OR5AC2: variants seen among roughly 807,000 people sequenced by gnomAD.
The protein encoded by OR5AC2 is olfactory receptor family 5 subfamily AC member 2.
For synonymous variants in OR5AC2, 172 were observed against 136.3 expected, an observed-to-expected ratio of 1.26 and a Z score of -1.82; for missense variants, 448 against 375.3, an observed-to-expected ratio of 1.19 and a Z score of -1.60.
In OR5AC2 at chr3:98,087,856, GA is replaced by G. The variant is rs11369970; in HGVS notation, c.692del (p.Lys231SerfsTer27). On this transcript the variant is annotated frameshift_variant, in exon 1 of 1. Coordinates refer to ENST00000358642, the MANE Select transcript of OR5AC2 (RefSeq NM_054106.1). LOFTEE classifies it low-confidence loss of function (END_TRUNC). ...SYTRVLFDIL[K>X]KKSEKGRSKA... ...ATACTCGTGTGCTCTTTGATATTCTGAAAAAAAAGTCTGAAAAGGGCAGAAG... is the reference window on the plus strand; with the variant it reads ...ATACTCGTGTGCTCTTTGATATTCTGAAAAAAAGTCTGAAAAGGGCAGAAG... 5.5e-5 allele frequency: 88 copies of G among 1,611,418 alleles called. No individual in the cohort carries two copies. Among genetic ancestry groups the G allele is most frequent in the Middle Eastern group, 1.6e-4 (1 of 6,080 alleles).
In OR5AC2 at chr3:98,087,523, G is replaced by A. The variant is rs751931250; in HGVS notation, c.351G>A (p.Leu117=). ...GTGCAACTACAGAATGCTTCCTCCT[G>A]GTGATGATGGCCTATGACCGCTATG... ...ASSATTECFL[L]VMMAYDRYVA... is the part of the protein sequence containing the mutation. Residue 117 remains leucine, a synonymous_variant, in exon 1 of 1, where the codon CTG becomes CTA. Coordinates refer to ENST00000358642, the MANE Select transcript of OR5AC2 (RefSeq NM_054106.1). 17 of 1,613,944 alleles carry A rather than the reference G, an allele frequency of 1.1e-5. No individual in the cohort carries two copies. The highest frequency in any genetic ancestry group is 1.6e-4 in the Middle Eastern group (1 of 6,084).
chr3:98,088,020 T>C lies in OR5AC2; in HGVS notation c.848T>C (p.Ile283Thr). 6.2e-7 allele frequency: 1 copy of C among 1,614,046 alleles called. No individual in the cohort carries two copies. The part of the protein sequence containing the change: ...DKVYSLFYTI[I>T]IPLLNPFIYS... ...GTGTATTCTCTGTTTTACACGATTA[T>C]AATTCCCCTGCTAAACCCATTTATT... Residue 283 changes from isoleucine (I) to threonine (T), a missense_variant, in exon 1 of 1, where the codon ATA (isoleucine) becomes ACA (threonine). Ile to Thr is a moderately conservative substitution (Grantham distance 89). Coordinates refer to ENST00000358642, the MANE Select transcript of OR5AC2 (RefSeq NM_054106.1).
Sources: gnomAD v4.1 joint callset for allele counts on GRCh38, gnomAD v4.1.1 for gene constraint, MANE v1.5 for transcripts, NCBI Gene and HGNC (gene_info 2026-07-23, HGNC 2026-07-21) for gene names.